The following CNKSR2 variants were observed in gnomAD, a reference collection of about 807,000 sequenced individuals.
CNKSR2 encodes the protein connector enhancer of kinase suppressor of Ras 2.
Under a neutral mutation model 84.4 loss-of-function variants are expected in CNKSR2, and 14 were observed. That is an observed-to-expected ratio of 0.17 (90% CI 0.11 to 0.26). CNKSR2 has a LOEUF of 0.26. Among genes scored for constraint, CNKSR2 ranks in the 10% least tolerant of loss-of-function variants. CNKSR2 has a pLI of 1.00. For synonymous variants in CNKSR2, 275 were observed against 277.9 expected, an observed-to-expected ratio of 0.99 and a Z score of 0.10; for missense variants, 485 against 771.2, an observed-to-expected ratio of 0.63 and a Z score of 4.40.
chrX:21,375,467 C>T (rs943786005), intron 1 of CNKSR2, among the ~76,000 whole-genome samples: 1 of 112,066 alleles, frequency 8.9e-6, no homozygotes, highest in African/African-American at 3.2e-5. Flanking sequence ...GGTCAGGACG[C>T]GGCCGCCCCC....
In CNKSR2 at chrX:21,411,725, G is replaced by A. The variant is rs186442897; in HGVS notation, c.65-14772G>A. On this transcript the variant is annotated intron_variant, in intron 1 of 21. Coordinates refer to ENST00000379510, the MANE Select transcript of CNKSR2 (RefSeq NM_014927.5). Reference sequence around the variant, plus strand: ...ACTTACTCCTGATCTCTCTGACATGGTCAAATCACCATATTATGGGCTCCT... The same window carrying A: ...ACTTACTCCTGATCTCTCTGACATGATCAAATCACCATATTATGGGCTCCT... 7.5e-3 allele frequency among the ~76,000 whole-genome samples: 834 copies of A among 110,896 alleles called. 3 individuals are homozygous for A. Among genetic ancestry groups the A allele is most frequent in the Non-Finnish European group, 0.013 (700 of 52,905 alleles).
intron 5 of CNKSR2, among the ~76,000 whole-genome samples, chrX:21,486,836 A>G (rs1232381760): frequency 8.9e-6 from 1 of 111,732 alleles, no homozygotes; most frequent in East Asian, 2.8e-4. Context: ...GACCAAATTC[A>G]GGTTTTGTAA....
intron 11 of CNKSR2, among the ~76,000 whole-genome samples, chrX:21,544,792 G>A (rs192954465): frequency 9.0e-6 from 1 of 111,099 alleles, no homozygotes; most frequent in East Asian, 2.9e-4. Flanking sequence ...AGGGGTCGGG[G>A]ACCTCCCTCC....
At chrX:21,573,083 A>G (rs2092295084) in intron 13 of CNKSR2, among the ~76,000 whole-genome samples, 1 of 112,102 alleles carries the variant, frequency 8.9e-6, no homozygotes, top group Non-Finnish European at 1.9e-5. Context: ...ACAAAGGGGC[A>G]ACAGGCCACA....
chrX:21,463,820 C>T, intron 4 of CNKSR2, among the ~76,000 whole-genome samples: 1 of 110,929 alleles, frequency 9.0e-6, no homozygotes, highest in Non-Finnish European at 1.9e-5. Flanking sequence ...GCTGGTATCC[C>T]AAGACGCAAA....
chrX:21,594,890 C>T (rs778420592), intron 15 of CNKSR2, 84 bp from the exon 16 acceptor site: 1 of 695,047 alleles, frequency 1.4e-6, no homozygotes, highest in Non-Finnish European at 2.2e-6. Flanking sequence ...TTTATTAGTA[C>T]AGATATCTAA....
chrX:21,407,513 A>G (rs1251800965), intron 1 of CNKSR2, among the ~76,000 whole-genome samples: 1 of 110,736 alleles, frequency 9.0e-6, no homozygotes, highest in African/African-American at 3.3e-5. Flanking sequence ...TCACAAGATT[A>G]TCAAGAACCC....
At chrX:21,642,559 G>A (rs1201348606) in intron 20 of CNKSR2, 2 of 735,241 alleles carry the variant, frequency 2.7e-6, no homozygotes, top group Non-Finnish European at 3.2e-6. Flanking sequence ...AAGATACACT[G>A]TAATAATTTT....
intron 20 of CNKSR2, among the ~76,000 whole-genome samples, chrX:21,634,066 A>G (rs2092659202): frequency 8.9e-6 from 1 of 112,189 alleles, no homozygotes; most frequent in East Asian, 2.8e-4. Context: ...TTTTTACCAA[A>G]TTAATGTTTT....
rs76113676 is a variant in CNKSR2 at position 21,490,949 on chromosome X, G to T, written c.681+371G>T. On this transcript the variant is annotated intron_variant, in intron 6 of 21. Coordinates refer to ENST00000379510, the MANE Select transcript of CNKSR2 (RefSeq NM_014927.5). ...ATGAAAGTTGGTTTTTTGTTTGTTTGTTTTGTTTGTTTTACTTTGGTTTGT... is the reference window on the plus strand; with the variant it reads ...ATGAAAGTTGGTTTTTTGTTTGTTTTTTTTGTTTGTTTTACTTTGGTTTGT... 21 of 114,742 alleles carry T rather than the reference G, an allele frequency of 1.8e-4. No individual in the cohort carries two copies. In the East Asian group the frequency reaches 5.5e-3, roughly 30 times the overall value. 9.5% of individuals were successfully genotyped at this position (114,742 alleles called of 1,213,427 possible). A position where few individuals can be genotyped will look rare whatever the true frequency, so the allele number is the denominator to read the frequency against.
chrX:21,651,200 G>A (rs1467499140), intron 21 of CNKSR2, among the ~76,000 whole-genome samples: 2 of 111,827 alleles, frequency 1.8e-5, no homozygotes, highest in African/African-American at 6.5e-5. Context: ...TGCTCCACTC[G>A]ATTCTCTGGG....
At chrX:21,405,972 T>C (rs981203154) in intron 1 of CNKSR2, among the ~76,000 whole-genome samples, 6 of 110,688 alleles carry the variant, frequency 5.4e-5, no homozygotes, top group Admixed American at 2.9e-4. Flanking sequence ...AGCGTGTAGA[T>C]TCTACATAGC....
intron 3 of CNKSR2, 132 bp from the exon 4 acceptor site, chrX:21,440,562 A>C (rs2090770139): frequency 3.3e-6 from 1 of 304,609 alleles, no homozygotes; most frequent in African/African-American, 2.8e-5. Flanking sequence ...ATAAGTCCTG[A>C]ATATTTTTAT....
intron 5 of CNKSR2, among the ~76,000 whole-genome samples, chrX:21,475,661 C>T (rs2091252904): frequency 9.0e-6 from 1 of 110,938 alleles, no homozygotes; most frequent in East Asian, 2.8e-4. Context: ...ACTGTCTTAG[C>T]CTAAACCCTA....
chrX:21,501,855 C>T (rs1233610262), intron 8 of CNKSR2, among the ~76,000 whole-genome samples: 1 of 109,482 alleles, frequency 9.1e-6, no homozygotes, highest in South Asian at 3.9e-4. Flanking sequence ...ATTCCATGAA[C>T]TGGAATAACA....
chrX:21,563,563 A>G, intron 13 of CNKSR2, 111 bp downstream of exon 13: 1 of 562,081 alleles, frequency 1.8e-6, no homozygotes, highest in Non-Finnish European at 2.7e-6. Context: ...TTTTCACAAA[A>G]GAGCCTAACT....
chrX:21,508,115 G>C (rs1486247514), intron 8 of CNKSR2, among the ~76,000 whole-genome samples: 1 of 112,083 alleles, frequency 8.9e-6, no homozygotes, highest in East Asian at 2.8e-4. Context: ...ATTGCTTGAG[G>C]CTAGAAGTTC....
intron 4 of CNKSR2, among the ~76,000 whole-genome samples, chrX:21,456,289 A>G (rs1011102219): frequency 9.0e-6 from 1 of 111,506 alleles, no homozygotes; most frequent in African/African-American, 3.3e-5. Flanking sequence ...ATTATTGACT[A>G]CTGTCACCAT....
chrX:21,622,918 C>G (rs371804633), intron 20 of CNKSR2, among the ~76,000 whole-genome samples: 1 of 111,428 alleles, frequency 9.0e-6, no homozygotes, highest in African/African-American at 3.2e-5. Flanking sequence ...TAATAGGAAA[C>G]ATGACACTAT....
Sources: gnomAD v4.1 joint callset for allele counts (sites outside exome capture counted in the v4.1 genomes callset) on GRCh38, gnomAD v4.1.1 for gene constraint, MANE v1.5 for transcripts, NCBI Gene and HGNC (gene_info 2026-07-23, HGNC 2026-07-21) for gene names.